Variants in CCSER2 observed in about 807,000 individuals in gnomAD.
CCSER2 encodes serine-rich coiled-coil domain-containing protein 2.
A neutral mutation model predicts 92.3 loss-of-function variants in CCSER2; 46 were observed. The observed-to-expected ratio is 0.50, with a 90% CI of 0.39 to 0.64. The LOEUF is 0.64. CCSER2 is among the 30% of genes least tolerant of loss of function. CCSER2 has a pLI of 0.00. For synonymous variants in CCSER2, 433 were observed against 431.4 expected, an observed-to-expected ratio of 1.00 and a Z score of -0.04; for missense variants, 1,244 against 1,238.9, an observed-to-expected ratio of 1.00 and a Z score of -0.06.
intron 3 of CCSER2, among the ~76,000 whole-genome samples, chr10:84,396,773 G>A (rs901411811): frequency 8.5e-5 from 13 of 152,278 alleles, no homozygotes; most frequent in Admixed American, 6.5e-4. Flanking sequence ...CTGGGCTTAA[G>A]TGATCGACCC....
chr10:84,328,954 G>C (rs1215689329), intron 1 of CCSER2, 146 bp downstream of exon 1: 1 of 151,876 alleles, frequency 6.6e-6, no homozygotes, highest in Non-Finnish European at 1.5e-5. Context: ...CCGGCCTCCA[G>C]GGTGAGCCTC....
In CCSER2 at chr10:84,514,036, A is replaced by G; in HGVS notation, c.2913A>G (p.Ala971=). The part of the protein sequence containing the change: ...LQPTSSQTNL[A]NNQNLKASKL... Reference sequence around the variant, plus strand: ...CAACATCTAGTCAAACAAATCTTGCAAATAATCAGAATCTGAAAGCATCTA... The same window carrying G: ...CAACATCTAGTCAAACAAATCTTGCGAATAATCAGAATCTGAAAGCATCTA... Residue 971 remains alanine, a synonymous_variant, in exon 10 of 10, where the codon GCA becomes GCG. Coordinates refer to ENST00000372088, the MANE Select transcript of CCSER2 (RefSeq NM_001284240.2). The G allele has an allele frequency of 6.5e-7, 1 of 1,536,604 alleles. No individual in the cohort carries two copies. Among genetic ancestry groups the G allele is most frequent in the Non-Finnish European group, 8.7e-7 (1 of 1,147,028 alleles).
intron 5 of CCSER2, among the ~76,000 whole-genome samples, chr10:84,431,445 TA>T (rs34764465): frequency 2.0e-4 from 30 of 149,720 alleles, no homozygotes; most frequent in South Asian, 4.2e-4. Context: ...GCATCTCATT[TA>T]AAAAAAAAAA....
At chr10:84,500,039 C>T (rs1194717820) in intron 9 of CCSER2, 1 of 1,600,356 alleles carries the variant, frequency 6.2e-7, no homozygotes, top group Non-Finnish European at 8.5e-7. Context: ...TGTTCCTCCC[C>T]AGCACCTCCT....
At chr10:84,394,382 A>AGTGTGTGTGT (rs879520976) in intron 3 of CCSER2, among the ~76,000 whole-genome samples, 23 of 91,118 alleles carry the variant, frequency 2.5e-4, no homozygotes, top group South Asian at 4.9e-4. Flanking sequence ...ACAAAAGGAA[A>AGTGTGTGTGT]GTATGTGTGT....
chr10:84,471,976 AT>A (rs1846831707), intron 8 of CCSER2, among the ~76,000 whole-genome samples: 1 of 152,134 alleles, frequency 6.6e-6, no homozygotes, highest in Admixed American at 6.5e-5. Flanking sequence ...TTTAAAAAAT[AT>A]ACTTAGATAA....
chr10:84,388,189 T>A (rs1841330631), intron 3 of CCSER2, among the ~76,000 whole-genome samples: 1 of 152,222 alleles, frequency 6.6e-6, no homozygotes. Flanking sequence ...TTTCTGATGT[T>A]TATGCCCCTT....
At chr10:84,340,169 C>T (rs538928787) in intron 1 of CCSER2, among the ~76,000 whole-genome samples, 7 of 152,210 alleles carry the variant, frequency 4.6e-5, no homozygotes, top group Non-Finnish European at 7.3e-5. Context: ...AAGAGCCCAA[C>T]ATAGATGCCT....
intron 1 of CCSER2, among the ~76,000 whole-genome samples, chr10:84,366,246 G>C (rs1021418208): frequency 6.6e-6 from 1 of 152,080 alleles, no homozygotes; most frequent in Admixed American, 6.6e-5. Flanking sequence ...GCCCGGCCTC[G>C]GAATCCTTTT....
chr10:84,441,138 G>C (rs956167571), intron 6 of CCSER2, among the ~76,000 whole-genome samples: 2 of 152,042 alleles, frequency 1.3e-5, no homozygotes, highest in African/African-American at 4.8e-5. Flanking sequence ...TATTTTATCT[G>C]TTATCTTTCT....
In CCSER2 at chr10:84,438,534, C is replaced by A. The variant is rs563138001; in HGVS notation, c.1891C>A (p.Pro631Thr). ...LSRGSPYRES[P>T]LGHFESYGGM... Reference sequence around the variant, plus strand: ...CAGAGGCTCTCCCTATAGAGAATCTCCTTTGGGTCATTTTGAAAGCTATGG... The same window carrying A: ...CAGAGGCTCTCCCTATAGAGAATCTACTTTGGGTCATTTTGAAAGCTATGG... Residue 631 changes from proline to threonine, a missense_variant, in exon 6 of 10, where the codon CCT becomes ACT. By Grantham distance (38) the Pro-to-Thr change is conservative. Transcript: ENST00000372088. The A allele has an allele frequency of 4.7e-5, 75 of 1,611,270 alleles. 1 individual carries two copies. In the South Asian group the frequency reaches 8.2e-4, roughly 18 times the overall value.
chr10:84,459,039 G>T (rs966531118), intron 6 of CCSER2, among the ~76,000 whole-genome samples: 3 of 152,016 alleles, frequency 2.0e-5, no homozygotes, highest in East Asian at 1.9e-4. Flanking sequence ...AGACGTTCTC[G>T]CTGTGTTGCC....
chr10:84,430,724 A>C (rs144970685), intron 5 of CCSER2, among the ~76,000 whole-genome samples: 119 of 152,352 alleles, frequency 7.8e-4, no homozygotes, highest in African/African-American at 2.8e-3. Flanking sequence ...TATTGGATAA[A>C]TTAAAATGCC....
At chr10:84,428,692 G>A (rs1210503041) in intron 5 of CCSER2, among the ~76,000 whole-genome samples, 1 of 152,102 alleles carries the variant, frequency 6.6e-6, no homozygotes, top group East Asian at 1.9e-4. Flanking sequence ...GATATGGGGG[G>A]AAAATAAATA....
Position 84,498,981 on chromosome 10 carries a change from G to A in CCSER2, c.2326-14468G>A, listed in dbSNP as rs2131832461. Among the ~76,000 whole-genome samples the A allele has an allele frequency of 1.3e-5, 2 of 152,282 alleles. 1 individual carries two copies. Among genetic ancestry groups the A allele is most frequent in the Admixed American group, 1.3e-4 (2 of 15,300 alleles). On this transcript the variant is annotated intron_variant, in intron 9 of 9. Transcript: ENST00000372088. ...AATAAGTAAAGCTAAAAAGCCACAA[G>A]TTATTGAAATTAAAAAGCATGTCCA...
At chr10:84,421,640 C>G (rs1482516769) in intron 4 of CCSER2, among the ~76,000 whole-genome samples, 1 of 152,136 alleles carries the variant, frequency 6.6e-6, no homozygotes, top group African/African-American at 2.4e-5. Context: ...GGACACAGAG[C>G]CAAACCATGT....
At chr10:84,468,039 G>A (rs1355228413) in intron 7 of CCSER2, among the ~76,000 whole-genome samples, 7 of 152,162 alleles carry the variant, frequency 4.6e-5, no homozygotes, top group Admixed American at 1.3e-4. Flanking sequence ...AAGGCCATGC[G>A]TGATAGTCAT....
At chr10:84,481,903 T>C (rs1194245778) in intron 9 of CCSER2, among the ~76,000 whole-genome samples, 1 of 152,140 alleles carries the variant, frequency 6.6e-6, no homozygotes, top group Middle Eastern at 3.2e-3. Context: ...GTGCTGTCCA[T>C]TGTAGTAGCC....
intron 7 of CCSER2, among the ~76,000 whole-genome samples, chr10:84,464,831 G>C (rs1393968578): frequency 6.6e-6 from 1 of 152,122 alleles, no homozygotes; most frequent in Non-Finnish European, 1.5e-5. Context: ...AATTCTGCTT[G>C]GATGTGGCAC....
Sources: allele counts gnomAD v4.1 joint callset (sites outside exome capture counted in the v4.1 genomes callset), GRCh38; gene constraint gnomAD v4.1.1; transcripts MANE v1.5; gene names NCBI Gene and HGNC (gene_info 2026-07-23, HGNC 2026-07-21).